The following ATRNL1 variants were observed in gnomAD, a reference collection of about 807,000 sequenced individuals.
ATRNL1 encodes the protein attractin-like protein 1.
ATRNL1 carries 95 observed loss-of-function variants against 182.7 expected under a neutral mutation model. The ratio of observed to expected loss-of-function variants is 0.52; its 90% CI spans 0.44 to 0.62. The LOEUF (loss-of-function observed/expected upper bound fraction) is 0.62, where lower values mean the gene tolerates loss of function less well. ATRNL1 is among the 20% of genes least tolerant of loss of function. The pLI is 0.00. For synonymous variants in ATRNL1, 576 were observed against 568.3 expected (o/e 1.01, Z -0.19); for missense variants, 1,471 against 1,679.5 (o/e 0.88, Z 2.17).
chr10:115,172,741 G>A (rs1001800332), intron 8 of ATRNL1, among the ~76,000 whole-genome samples: 4 of 150,856 alleles, frequency 2.7e-5, no homozygotes, highest in Admixed American at 6.6e-5. Context: ...CTCTTTTTTT[G>A]TCCATATTTC....
intron 19 of ATRNL1, among the ~76,000 whole-genome samples, chr10:115,352,764 G>A (rs1856318849): frequency 6.6e-6 from 1 of 152,114 alleles, no homozygotes; most frequent in Non-Finnish European, 1.5e-5. Context: ...GCTGAGGGTG[G>A]TGGCACATGC....
At chr10:115,355,908 A>G (rs1320098343) in intron 19 of ATRNL1, among the ~76,000 whole-genome samples, 2 of 152,050 alleles carry the variant, frequency 1.3e-5, no homozygotes, top group Non-Finnish European at 2.9e-5. Flanking sequence ...TTTAACAGTG[A>G]TAAACTTTAA....
intron 20 of ATRNL1, among the ~76,000 whole-genome samples, chr10:115,414,876 T>G (rs1845314855): frequency 1.3e-5 from 2 of 152,068 alleles, no homozygotes; most frequent in Admixed American, 6.6e-5. Context: ...TTCATTTTTT[T>G]GTTCTGTTTT....
At chr10:115,185,580 C>T (rs1554888594) in intron 8 of ATRNL1, among the ~76,000 whole-genome samples, 1 of 151,974 alleles carries the variant, frequency 6.6e-6, no homozygotes, top group Non-Finnish European at 1.5e-5. Flanking sequence ...AGGGAAGCCT[C>T]TACATAGGAT....
chr10:115,525,193 G>A (rs1229901901), intron 25 of ATRNL1, among the ~76,000 whole-genome samples: 1 of 152,114 alleles, frequency 6.6e-6, no homozygotes, highest in African/African-American at 2.4e-5. Context: ...TACTTAAAAT[G>A]AAACCAGATG....
intron 26 of ATRNL1, among the ~76,000 whole-genome samples, chr10:115,607,256 T>C (rs1856919618): frequency 6.6e-6 from 1 of 151,966 alleles, no homozygotes; most frequent in Non-Finnish European, 1.5e-5. Context: ...AATTCATCTT[T>C]TAAAATAAAT....
At chr10:115,425,716 C>G (rs1845853170) in intron 20 of ATRNL1, among the ~76,000 whole-genome samples, 1 of 151,892 alleles carries the variant, frequency 6.6e-6, no homozygotes, top group Non-Finnish European at 1.5e-5. Flanking sequence ...TTAGAGAAAC[C>G]TTTTTTTCCA....
chr10:115,802,046 A>ACACAC (rs1555084470), intron 27 of ATRNL1, among the ~76,000 whole-genome samples: 2 of 69,600 alleles, frequency 2.9e-5, no homozygotes, highest in South Asian at 4.3e-4. Flanking sequence ...ACACACACAC[A>ACACAC]AAACAAAAAA....
Position 115,527,793 on chromosome 10 carries a change from C to T in ATRNL1, c.3716+8469C>T, listed in dbSNP as rs973044174. On this transcript the variant is annotated intron_variant, in intron 25 of 28. Coordinates refer to ENST00000355044, the MANE Select transcript of ATRNL1 (RefSeq NM_207303.4). ...TTTTCCTTCCTTCCCTCCCTCCCTCCCTCCTTCCCTCCCTCCCTTCCTTCC... is the reference window on the plus strand; with the variant it reads ...TTTTCCTTCCTTCCCTCCCTCCCTCTCTCCTTCCCTCCCTCCCTTCCTTCC... Among the ~76,000 whole-genome samples, 3 of 141,690 alleles carry T rather than the reference C, an allele frequency of 2.1e-5. No homozygotes were observed. In the South Asian group the frequency reaches 7.3e-4, roughly 35 times the overall value. The allele number at this position is 141,690 out of a possible 152,430, so 93.0% of individuals were successfully genotyped here.
chr10:115,821,540 C>T (rs1402939552), intron 27 of ATRNL1, among the ~76,000 whole-genome samples: 1 of 152,064 alleles, frequency 6.6e-6, no homozygotes, highest in Non-Finnish European at 1.5e-5. Flanking sequence ...ATTCAGGAGA[C>T]CCATCTCATG....
At chr10:115,401,914 T>C (rs573132092) in intron 20 of ATRNL1, among the ~76,000 whole-genome samples, 32 of 152,300 alleles carry the variant, frequency 2.1e-4, no homozygotes, top group African/African-American at 7.7e-4. Context: ...AATAATATGA[T>C]AATTTTAGTT....
intron 17 of ATRNL1, among the ~76,000 whole-genome samples, chr10:115,312,576 A>G (rs963326709): frequency 3.3e-5 from 5 of 152,058 alleles, no homozygotes; most frequent in Non-Finnish European, 4.4e-5. Flanking sequence ...AATGATGACT[A>G]TATACATTGG....
At chr10:115,603,845 G>A (rs1472326295) in intron 26 of ATRNL1, among the ~76,000 whole-genome samples, 4 of 152,072 alleles carry the variant, frequency 2.6e-5, no homozygotes, top group African/African-American at 9.7e-5. Flanking sequence ...AGATAGGCTG[G>A]CAACAGATTC....
intron 1 of ATRNL1, among the ~76,000 whole-genome samples, chr10:115,108,472 T>G (rs1844118828): frequency 6.6e-6 from 1 of 152,156 alleles, no homozygotes. Flanking sequence ...GTGCCGAGTT[T>G]TATAGTCCAG....
intron 26 of ATRNL1, among the ~76,000 whole-genome samples, chr10:115,662,954 C>T (rs773219089): frequency 3.9e-5 from 6 of 151,938 alleles, no homozygotes; most frequent in Admixed American, 2.0e-4. Flanking sequence ...ACTTTGTATT[C>T]GCATTTAAAG....
At chr10:115,130,083 C>T (rs144171657) in intron 5 of ATRNL1, among the ~76,000 whole-genome samples, 1 of 152,084 alleles carries the variant, frequency 6.6e-6, no homozygotes, top group African/African-American at 2.4e-5. Context: ...AAATATCTAT[C>T]ATCAAAGATT....
At chr10:115,629,728 T>G (rs1398419976) in intron 26 of ATRNL1, among the ~76,000 whole-genome samples, 2 of 152,134 alleles carry the variant, frequency 1.3e-5, no homozygotes, top group Non-Finnish European at 2.9e-5. Context: ...GTCTTCCTTT[T>G]CTGTGAGCTC....
intron 1 of ATRNL1, among the ~76,000 whole-genome samples, chr10:115,105,234 T>C (rs1321874949): frequency 6.6e-6 from 1 of 152,120 alleles, no homozygotes; most frequent in Admixed American, 6.6e-5. Flanking sequence ...TTTCTTTCAT[T>C]TTTCCCCTGC....
intron 5 of ATRNL1, among the ~76,000 whole-genome samples, chr10:115,150,123 TGTTA>T (rs1846153937): frequency 1.3e-5 from 2 of 152,082 alleles, no homozygotes; most frequent in Admixed American, 1.3e-4. Context: ...TTTTCCAGTT[TGTTA>T]GTGTATAGTT....
Sources: allele counts gnomAD v4.1 joint callset (sites outside exome capture counted in the v4.1 genomes callset), GRCh38; gene constraint gnomAD v4.1.1; transcripts MANE v1.5; gene names NCBI Gene and HGNC (gene_info 2026-07-23, HGNC 2026-07-21).